Variants in FBXO11 observed in about 807,000 individuals in gnomAD.
FBXO11 encodes F-box protein 11, also known as F-box only protein 11.
FBXO11 carries 13 observed loss-of-function variants against 117.0 expected under a neutral mutation model. The ratio of observed to expected loss-of-function variants is 0.11; its 90% CI spans 0.07 to 0.18. The LOEUF (loss-of-function observed/expected upper bound fraction) is 0.18. Among genes scored for constraint, FBXO11 ranks in the 10% least tolerant of loss-of-function variants. The pLI is 1.00. For missense variants in FBXO11, 767 were observed against 1,164.4 expected, an observed-to-expected ratio of 0.66 and a Z score of 4.97; for synonymous variants, 490 against 380.5, an observed-to-expected ratio of 1.29 and a Z score of -3.35.
At chr2:47,834,964 A>C in intron 5 of FBXO11, 93 bp from the exon 6 acceptor site, 1 of 835,202 alleles carries the variant, frequency 1.2e-6, no homozygotes, top group Non-Finnish European at 1.9e-6. Context: ...TTTTATTACA[A>C]ATCAAAAATA....
chr2:47,869,386 G>C (rs75129775), intron 1 of FBXO11, among the ~76,000 whole-genome samples: 8,728 of 152,264 alleles, frequency 0.057, 263 homozygotes, highest in Non-Finnish European at 0.069. Context: ...GTGCTGGCTG[G>C]AGTGACTGAT....
intron 1 of FBXO11, among the ~76,000 whole-genome samples, chr2:47,885,210 A>C (rs1384499366): frequency 3.3e-5 from 5 of 152,252 alleles, no homozygotes; most frequent in Non-Finnish European, 7.3e-5. Flanking sequence ...AAGTGATCGA[A>C]TACTGAAGTC....
chr2:47,820,308 T>C (rs1671291142), intron 14 of FBXO11, 54 bp downstream of exon 14: 3 of 1,418,268 alleles, frequency 2.1e-6, no homozygotes, highest in Non-Finnish European at 3.0e-6. Context: ...AGAAACCCTT[T>C]ATCCCCCTGG....
chr2:47,904,872 A>C (rs930256211), intron 1 of FBXO11, among the ~76,000 whole-genome samples: 1 of 152,074 alleles, frequency 6.6e-6, no homozygotes, highest in Admixed American at 6.5e-5. Context: ...ACTGCGCAGC[A>C]AACACTGTGG....
At chr2:47,842,475 A>T (rs574791549) in intron 1 of FBXO11, among the ~76,000 whole-genome samples, 31 of 152,294 alleles carry the variant, frequency 2.0e-4, no homozygotes, top group African/African-American at 6.7e-4. Context: ...GCTATATTTC[A>T]TAATAACAAA....
rs550155363 is a variant in FBXO11, at chr2:47,853,706, G to A, written c.233-13937C>T. On this transcript the variant is annotated intron_variant, in intron 1 of 22. Transcript: ENST00000403359. Reference sequence around the variant, plus strand: ...GCTTACCTTATAAAATTACTGTGAAGATTAAGTAAGACTGATAATACTTAA... The same window carrying A: ...GCTTACCTTATAAAATTACTGTGAAAATTAAGTAAGACTGATAATACTTAA... 2.3e-3 allele frequency among the ~76,000 whole-genome samples: 352 copies of A among 152,248 alleles called. 1 individual carries two copies. The highest frequency in any genetic ancestry group is 6.8e-3 in the Middle Eastern group (2 of 292).
At chr2:47,849,629 A>T (rs1011979966) in intron 1 of FBXO11, among the ~76,000 whole-genome samples, 19 of 152,238 alleles carry the variant, frequency 1.2e-4, no homozygotes, top group Non-Finnish European at 2.6e-4. Context: ...CATGCTGATA[A>T]GGTTAAGCAG....
At chr2:47,866,700 C>T (rs1675225312) in intron 1 of FBXO11, among the ~76,000 whole-genome samples, 1 of 152,106 alleles carries the variant, frequency 6.6e-6, no homozygotes, top group African/African-American at 2.4e-5. Flanking sequence ...TCTCGATCTC[C>T]TGACCTCGTG....
chr2:47,898,885 T>A (rs1345611846), intron 1 of FBXO11, among the ~76,000 whole-genome samples: 2 of 152,094 alleles, frequency 1.3e-5, no homozygotes. Context: ...AATTTTGAAA[T>A]TTTTTTGCTA....
intron 1 of FBXO11, among the ~76,000 whole-genome samples, chr2:47,890,823 T>A (rs535109226): frequency 2.1e-4 from 31 of 149,426 alleles, no homozygotes; most frequent in South Asian, 1.3e-3. Context: ...AAAAAAAAAA[T>A]ATTATTATTA....
At position 47,840,259 on chromosome 2, in the gene FBXO11, T is replaced by A. The variant is rs113391136; in HGVS notation, c.233-490A>T. Reference sequence around the variant, plus strand: ...CGCCCAGCCGTGGAAGACTTTTTTTTAAAAAAAGGTGAGGAGGATATCCAC... The same window carrying A: ...CGCCCAGCCGTGGAAGACTTTTTTTAAAAAAAAGGTGAGGAGGATATCCAC... On this transcript the variant is annotated intron_variant, in intron 1 of 22. Coordinates refer to ENST00000403359, the MANE Select transcript of FBXO11 (RefSeq NM_001190274.2). Among the ~76,000 whole-genome samples the A allele has an allele frequency of 5.9e-3, 900 of 151,506 alleles. 5 individuals carry two copies. Among genetic ancestry groups the A allele is most frequent in the Middle Eastern group, 0.031 (9 of 294 alleles).
chr2:47,839,801 T>C (rs898380460), intron 1 of FBXO11, 32 bp from the exon 2 acceptor site: 2 of 1,581,738 alleles, frequency 1.3e-6, no homozygotes, highest in African/African-American at 1.4e-5. Flanking sequence ...AGAAAAATTA[T>C]ACCCTTTTTA....
intron 13 of FBXO11, among the ~76,000 whole-genome samples, chr2:47,821,808 A>T (rs1671410800): frequency 6.6e-6 from 1 of 151,926 alleles, no homozygotes; most frequent in Non-Finnish European, 1.5e-5. Flanking sequence ...ACAAAAATTA[A>T]AGGGCAGCGC....
chr2:47,843,756 T>TTC (rs1673195458), intron 1 of FBXO11, among the ~76,000 whole-genome samples: 1 of 148,892 alleles, frequency 6.7e-6, no homozygotes, highest in African/African-American at 2.5e-5. Flanking sequence ...TCTTCTTCTT[T>TTC]TTTGAGATGA....
intron 1 of FBXO11, among the ~76,000 whole-genome samples, chr2:47,862,873 G>C (rs1234671710): frequency 6.6e-6 from 1 of 151,936 alleles, no homozygotes; most frequent in Non-Finnish European, 1.5e-5. Context: ...TGACCAACAT[G>C]GTGAAACCCC....
At chr2:47,895,038 C>G (rs1677551959) in intron 1 of FBXO11, among the ~76,000 whole-genome samples, 1 of 152,016 alleles carries the variant, frequency 6.6e-6, no homozygotes, top group South Asian at 2.1e-4. Flanking sequence ...ATTCACACAC[C>G]TTAAAGCTGT....
chr2:47,900,251 C>A (rs919563256), intron 1 of FBXO11, among the ~76,000 whole-genome samples: 1 of 152,052 alleles, frequency 6.6e-6, no homozygotes, highest in Non-Finnish European at 1.5e-5. Flanking sequence ...CTTCCTGCCT[C>A]CAAAAGGTTG....
chr2:47,843,430 TC>T (rs927665716), intron 1 of FBXO11, among the ~76,000 whole-genome samples: 3 of 150,164 alleles, frequency 2.0e-5, no homozygotes, highest in African/African-American at 5.0e-5. Flanking sequence ...TTGTAGTTAA[TC>T]TTTTTTTTTT....
chr2:47,859,055 A>G (rs1386232402), intron 1 of FBXO11, among the ~76,000 whole-genome samples: 2 of 150,258 alleles, frequency 1.3e-5, no homozygotes, highest in Non-Finnish European at 1.5e-5. Context: ...AAAAAAAAAA[A>G]AAAGAAAAGA....
Sources: gnomAD v4.1 joint callset for allele counts (sites outside exome capture counted in the v4.1 genomes callset) on GRCh38, gnomAD v4.1.1 for gene constraint, MANE v1.5 for transcripts, NCBI Gene and HGNC (gene_info 2026-07-23, HGNC 2026-07-21) for gene names.